The following PTPRO variants were observed in gnomAD, a reference collection of about 807,000 sequenced individuals.
PTPRO encodes receptor-type tyrosine-protein phosphatase O.
In PTPRO, 62 loss-of-function variants were observed where a neutral mutation model predicts 145.2. That is an observed-to-expected ratio of 0.43 (90% CI 0.35 to 0.53). PTPRO has a LOEUF of 0.53. Ranked by LOEUF, PTPRO falls within the 20% of genes least tolerant of loss-of-function variation. The pLI is 0.01. For synonymous variants in PTPRO, 565 were observed against 514.7 expected, an observed-to-expected ratio of 1.10 and a Z score of -1.32; for missense variants, 1,345 against 1,482.7, an observed-to-expected ratio of 0.91 and a Z score of 1.53.
At chr12:15,431,558 G>A (rs960696027) in intron 1 of PTPRO, among the ~76,000 whole-genome samples, 8 of 152,042 alleles carry the variant, frequency 5.3e-5, no homozygotes, top group African/African-American at 1.7e-4. Context: ...TATTTTAAAA[G>A]AACATTATAA....
chr12:15,511,692 A>G (rs971366850), intron 7 of PTPRO, among the ~76,000 whole-genome samples: 5 of 152,052 alleles, frequency 3.3e-5, no homozygotes, highest in African/African-American at 7.2e-5. Context: ...CAGCCTCCCA[A>G]TTAGCTGGGA....
intron 15 of PTPRO, among the ~76,000 whole-genome samples, chr12:15,555,106 C>A (rs964531441): frequency 6.6e-6 from 1 of 151,912 alleles, no homozygotes; most frequent in Non-Finnish European, 1.5e-5. Flanking sequence ...GGCGTGGTGG[C>A]GGGTGCCTGT....
intron 6 of PTPRO, among the ~76,000 whole-genome samples, chr12:15,505,190 C>T (rs1455761243): frequency 6.6e-6 from 1 of 152,214 alleles, no homozygotes; most frequent in Non-Finnish European, 1.5e-5. Context: ...GAAAACTCCA[C>T]AACAATTCTG....
intron 7 of PTPRO, among the ~76,000 whole-genome samples, chr12:15,513,083 A>T (rs1322220408): frequency 1.4e-5 from 1 of 69,472 alleles, no homozygotes; most frequent in Non-Finnish European, 2.8e-5. Context: ...AAAGAAAGAA[A>T]GAAAGAAAGA....
chr12:15,400,051 CAA>C (rs36062333), intron 1 of PTPRO, among the ~76,000 whole-genome samples: 1,596 of 54,042 alleles, frequency 0.03, 32 homozygotes, highest in African/African-American at 0.098. Flanking sequence ...ACTCTTGTCT[CAA>C]AAAAAAAAAA....
At chr12:15,449,128 A>AT (rs1940983955) in intron 1 of PTPRO, among the ~76,000 whole-genome samples, 1 of 151,870 alleles carries the variant, frequency 6.6e-6, no homozygotes, top group Non-Finnish European at 1.5e-5. Context: ...ACAGACAAAA[A>AT]AAAAAAAAGG....
At chr12:15,436,803 C>T (rs972295251) in intron 1 of PTPRO, among the ~76,000 whole-genome samples, 2 of 152,180 alleles carry the variant, frequency 1.3e-5, no homozygotes, top group African/African-American at 4.8e-5. Context: ...TGGGGGCCTC[C>T]ACAGCCAGAA....
chr12:15,548,456 GTGTA>G (rs1943358192), intron 13 of PTPRO, among the ~76,000 whole-genome samples: 1 of 152,016 alleles, frequency 6.6e-6, no homozygotes, highest in Admixed American at 6.6e-5. Context: ...ATGAGTATAT[GTGTA>G]TGTGTGTACG....
intron 23 of PTPRO, among the ~76,000 whole-genome samples, chr12:15,585,592 T>C (rs7970468): frequency 0.98 from 148,832 of 152,290 alleles, 72,824 homozygotes; most frequent in East Asian, 1. Flanking sequence ...TTATTTTCTG[T>C]CCAAGACCAC....
chr12:15,390,359 C>T (rs775597574), intron 1 of PTPRO, among the ~76,000 whole-genome samples: 5 of 152,018 alleles, frequency 3.3e-5, no homozygotes, highest in Non-Finnish European at 5.9e-5. Flanking sequence ...TCTGTGTGGC[C>T]GGGGAGGCTT....
intron 1 of PTPRO, among the ~76,000 whole-genome samples, chr12:15,358,259 G>A (rs1477510977): frequency 6.9e-6 from 1 of 145,718 alleles, no homozygotes; most frequent in East Asian, 2.1e-4. Flanking sequence ...GGGAGGGATA[G>A]CATTAGGAGA....
intron 1 of PTPRO, among the ~76,000 whole-genome samples, chr12:15,476,726 T>A (rs915193438): frequency 4.6e-5 from 7 of 151,688 alleles, no homozygotes; most frequent in Non-Finnish European, 8.8e-5. Context: ...AAGACATTTA[T>A]GCAGCCAAAA....
intron 2 of PTPRO, among the ~76,000 whole-genome samples, chr12:15,486,193 A>C (rs1941882248): frequency 6.6e-6 from 1 of 152,156 alleles, no homozygotes; most frequent in Non-Finnish European, 1.5e-5. Flanking sequence ...ATTTTGGTTT[A>C]TGCTTTACAT....
intron 1 of PTPRO, chr12:15,410,809 T>G (rs1477794056): frequency 6.6e-6 from 1 of 152,238 alleles, no homozygotes. Context: ...AGTGACTTAC[T>G]GACTTCTACA....
intron 11 of PTPRO, among the ~76,000 whole-genome samples, chr12:15,525,302 T>C (rs1942814770): frequency 6.6e-6 from 1 of 152,216 alleles, no homozygotes; most frequent in African/African-American, 2.4e-5. Context: ...ACCTAAAGAT[T>C]TGGGGACCTT....
intron 15 of PTPRO, among the ~76,000 whole-genome samples, chr12:15,556,485 T>C (rs1943629117): frequency 6.6e-6 from 1 of 152,044 alleles, no homozygotes; most frequent in African/African-American, 2.4e-5. Flanking sequence ...CATGAGAATA[T>C]GTTTACTTTT....
In PTPRO at chr12:15,524,798, C is replaced by T. The variant is rs1942803955; in HGVS notation, c.1892-16C>T. 6.2e-6 allele frequency: 10 copies of T among 1,607,980 alleles called. No individual in the cohort carries two copies. The highest frequency in any genetic ancestry group is 7.7e-6 in the Non-Finnish European group (9 of 1,174,586). ...CCATCTATTATACTAAATTGTGCCT[C>T]GTTTCTCCCTTGTAGCCCCAGTGGC... On this transcript the variant is annotated splice_polypyrimidine_tract_variant and intron_variant, in intron 10 of 26. Transcript: ENST00000281171.
At position 15,515,473 on chromosome 12, in the gene PTPRO, A is replaced by G. The variant is rs1242017813; in HGVS notation, c.1465-25A>G. The G allele has an allele frequency of 3.7e-6, 6 of 1,612,976 alleles. No individual in the cohort carries two copies. The African/African-American group carries it at 5.3e-5, about 14-fold the overall frequency. ...ATTCTGAAATCCCAGCTCTAAATAA[A>G]TCTTATTGGGTGTTTGGTTTAAAGG... On this transcript the variant is annotated intron_variant, in intron 7 of 26. Coordinates refer to ENST00000281171, the MANE Select transcript of PTPRO (RefSeq NM_030667.3).
rs77054666 is a variant in PTPRO, at chr12:15,369,341, A to T, written c.75+46540A>T. On this transcript the variant is annotated intron_variant, in intron 1 of 26. Transcript: ENST00000281171. ...TTTTTCTCTTGACCTTAGGGTCTTC[A>T]ACCAGTTTCTCATTCACCTGCTCTT... Among the ~76,000 whole-genome samples the T allele has an allele frequency of 9.7e-4, 148 of 152,262 alleles. 1 individual carries two copies. The highest frequency in any genetic ancestry group is 9.7e-3 in the Admixed American group (148 of 15,290).
Sources: allele counts gnomAD v4.1 joint callset (sites outside exome capture counted in the v4.1 genomes callset), GRCh38; gene constraint gnomAD v4.1.1; transcripts MANE v1.5; gene names NCBI Gene and HGNC (gene_info 2026-07-23, HGNC 2026-07-21).